NIPSNAP3A: variants seen among roughly 807,000 people sequenced by gnomAD.
NIPSNAP3A encodes the protein nipsnap homolog 3A.
NIPSNAP3A carries 27 observed loss-of-function variants against 32.3 expected under a neutral mutation model. That is an observed-to-expected ratio of 0.84 (90% confidence interval 0.62 to 1.15). The LOEUF is 1.15. NIPSNAP3A is among the 50% of genes most tolerant of loss of function. NIPSNAP3A has a pLI of 0.00. For missense variants in NIPSNAP3A, 278 were observed against 297.2 expected (o/e 0.94, Z 0.48); for synonymous variants, 108 against 107.3 (o/e 1.01, Z -0.04).
rs117754793 is a variant in NIPSNAP3A, at chr9:104,750,149, C to T, written c.61-807C>T. On this transcript the variant is annotated intron_variant, in intron 1 of 5. Transcript: ENST00000374767. ...CATTATGCCTGCCAAAAGTTACGTGCGTAGTTAATAAAGTTCTTTGATGTG... is the reference window on the plus strand; with the variant it reads ...CATTATGCCTGCCAAAAGTTACGTGTGTAGTTAATAAAGTTCTTTGATGTG... Among the ~76,000 whole-genome samples the T allele has an allele frequency of 6.3e-3, 959 of 152,196 alleles. 5 individuals are homozygous for T. Among genetic ancestry groups the T allele is most frequent in the Non-Finnish European group, 0.01 (702 of 67,996 alleles).
chr9:104,757,369 A>G lies in NIPSNAP3A; in HGVS notation c.581-1716A>G, dbSNP rs1282694099. Among the ~76,000 whole-genome samples, 3 of 152,144 alleles carry G rather than the reference A, an allele frequency of 2.0e-5. No homozygotes were observed. The East Asian group carries it at 5.8e-4, about 29-fold the overall frequency. Reference sequence around the variant, plus strand: ...CCTGGGTTTGAATCCCAGGTACACTACTTACTTTTTGACTTTGGGTAAGTA... The same window carrying G: ...CCTGGGTTTGAATCCCAGGTACACTGCTTACTTTTTGACTTTGGGTAAGTA... On this transcript the variant is annotated intron_variant, in intron 4 of 5. Transcript: ENST00000374767.
intron 2 of NIPSNAP3A, 144 bp downstream of exon 2, chr9:104,751,310 C>A: frequency 5.2e-6 from 4 of 769,004 alleles, no homozygotes; most frequent in Admixed American, 2.2e-5. Context: ...TTTTGAAAAG[C>A]AATACCAAAA....
Position 104,751,117 on chromosome 9 carries a change from T to A in NIPSNAP3A, c.222T>A (p.Ser74Arg). ...TAHSELVGYW[S>R]VEFGGRMNTV... ...ACTCTGAATTGGTTGGATACTGGAG[T>A]GTAGAATTTGGAGGCAGAATGAATA... The change falls in exon 2 of 6, where the codon AGT (serine) becomes AGA (arginine). Residue 74 changes from serine (S) to arginine (R), a missense_variant. Transcript: ENST00000374767. 6.2e-7 allele frequency: 1 copy of A among 1,613,922 alleles called. No individual in the cohort carries two copies. Among genetic ancestry groups the A allele is most frequent in the African/African-American group, 1.3e-5 (1 of 74,980 alleles).
chr9:104,754,713 A>T lies in NIPSNAP3A; in HGVS notation c.580+13A>T, dbSNP rs955590054. 6 of 1,607,926 alleles carry T rather than the reference A, an allele frequency of 3.7e-6. No individual in the cohort carries two copies. Among genetic ancestry groups the T allele is most frequent in the Non-Finnish European group, 5.1e-6 (6 of 1,174,670 alleles). On this transcript the variant is annotated intron_variant, in intron 4 of 5. Transcript: ENST00000374767. Reference sequence around the variant, plus strand: ...GCACTCAACAGAGGTACAATTGTCCATTTCTTCTTATATGAAATTGTAATA... The same window carrying T: ...GCACTCAACAGAGGTACAATTGTCCTTTTCTTCTTATATGAAATTGTAATA...
chr9:104,754,178 T>C (rs540987795), intron 3 of NIPSNAP3A: 1 of 158,590 alleles, frequency 6.3e-6, no homozygotes, highest in African/African-American at 2.4e-5. Context: ...GATTGGAAAA[T>C]TCTTCTTTTA....
intron 1 of NIPSNAP3A, 29 bp from the exon 2 acceptor site, chr9:104,750,927 G>A (rs1827840383): frequency 6.5e-7 from 1 of 1,534,418 alleles, no homozygotes; most frequent in South Asian, 1.1e-5. Flanking sequence ...GTCTTCTCAA[G>A]ATATTTACAT....
intron 3 of NIPSNAP3A, chr9:104,753,884 A>C (rs1827875443): frequency 6.6e-6 from 1 of 152,594 alleles, no homozygotes; most frequent in African/African-American, 2.4e-5. Context: ...CTCTGTGTAC[A>C]TCACTGCTTG....
intron 1 of NIPSNAP3A, among the ~76,000 whole-genome samples, chr9:104,749,074 C>G (rs1340152521): frequency 2.0e-5 from 3 of 152,132 alleles, no homozygotes; most frequent in African/African-American, 4.8e-5. Context: ...TTAATACTGC[C>G]CAAAATTGTA....
intron 1 of NIPSNAP3A, 129 bp downstream of exon 1, chr9:104,747,981 T>C (rs543112225): frequency 1.2e-5 from 10 of 816,068 alleles, no homozygotes; most frequent in African/African-American, 3.6e-5. Flanking sequence ...GGGGCCCCGG[T>C]GAGGTTCTAG....
chr9:104,750,427 T>A (rs911859985), intron 1 of NIPSNAP3A, among the ~76,000 whole-genome samples: 1 of 152,192 alleles, frequency 6.6e-6, no homozygotes, highest in East Asian at 1.9e-4. Context: ...AACAAATGTA[T>A]ATGTGAAGCA....
At chr9:104,754,503 G>T (rs1410231467) in intron 3 of NIPSNAP3A, 48 bp from the exon 4 acceptor site, 1 of 1,550,496 alleles carries the variant, frequency 6.4e-7, no homozygotes, top group Non-Finnish European at 8.9e-7. Flanking sequence ...AACGTGATTG[G>T]ATATTGCTTG....
chr9:104,749,949 C>A (rs1415612550), intron 1 of NIPSNAP3A, among the ~76,000 whole-genome samples: 1 of 152,140 alleles, frequency 6.6e-6, no homozygotes, highest in Non-Finnish European at 1.5e-5. Context: ...TCATGTTCTA[C>A]CATTATATTA....
chr9:104,757,685 G>C (rs1351042123), intron 4 of NIPSNAP3A, among the ~76,000 whole-genome samples: 1 of 152,020 alleles, frequency 6.6e-6, no homozygotes, highest in African/African-American at 2.4e-5. Context: ...ATACATGTAC[G>C]TCATATCGTG....
chr9:104,753,746 T>C (rs574685519), intron 3 of NIPSNAP3A: 315 of 152,556 alleles, frequency 2.1e-3, no homozygotes, highest in South Asian at 5.4e-3. Context: ...CTTTGTAGTG[T>C]ATTTAGGTTA....
In NIPSNAP3A at chr9:104,759,265, G is replaced by A. The variant is rs770331368; in HGVS notation, c.671G>A (p.Arg224Gln). 1.9e-5 allele frequency: 31 copies of A among 1,613,922 alleles called. No individual in the cohort carries two copies. Among genetic ancestry groups the A allele is most frequent in the South Asian group, 3.3e-5 (3 of 91,070 alleles). Residue 224 changes from arginine to glutamine, a missense_variant, in exon 6 of 6, where the codon CGG becomes CAG. Arg to Gln is a conservative substitution (Grantham distance 43, BLOSUM62 1). Transcript: ENST00000374767. ...TTTCTATGAAATGTTTTTCCAGTTC[G>A]GGAAAGTGTCAACTACCTAGTATCT... ...HEDPRVVAAV[R>Q]ESVNYLVSQQ...
chr9:104,757,203 G>A (rs966270276), intron 4 of NIPSNAP3A, among the ~76,000 whole-genome samples: 7 of 152,126 alleles, frequency 4.6e-5, no homozygotes, highest in Admixed American at 3.9e-4. Flanking sequence ...AGTGTTAGGA[G>A]AATTGGTAAT....
chr9:104,755,074 T>C (rs867226088), intron 4 of NIPSNAP3A, among the ~76,000 whole-genome samples: 59 of 152,070 alleles, frequency 3.9e-4, no homozygotes, highest in Middle Eastern at 3.2e-3. Context: ...ACCCCGTCTC[T>C]AGTAAAAATA....
rs535071506 is a variant in NIPSNAP3A at position 104,755,805 on chromosome 9, G to T, written c.580+1105G>T. 4.1e-4 allele frequency among the ~76,000 whole-genome samples: 62 copies of T among 152,098 alleles called. No individual in the cohort carries two copies. In the Middle Eastern group the frequency reaches 0.01, roughly 25 times the overall value. On this transcript the variant is annotated intron_variant, in intron 4 of 5. Transcript: ENST00000374767. ...ATGGTGGCAAACACCTGTAGTCCTAGCTACTTGGGAGGCTGAGGTGGGAGG... is the reference window on the plus strand; with the variant it reads ...ATGGTGGCAAACACCTGTAGTCCTATCTACTTGGGAGGCTGAGGTGGGAGG...
rs1827947531 is a variant in NIPSNAP3A, at chr9:104,759,462, T to A, written c.*124T>A. ...AGGTGTTAAGTTAATTTGCTATGTT[T>A]CTTGCATTATGAAGGCTACATCTGT... On this transcript the variant is annotated 3_prime_UTR_variant, in exon 6 of 6. Transcript: ENST00000374767. 5 of 923,020 alleles carry A rather than the reference T, an allele frequency of 5.4e-6. No homozygotes were observed. The highest frequency in any genetic ancestry group is 8.4e-6 in the Non-Finnish European group (5 of 592,366). 57.2% of individuals were successfully genotyped at this position (923,020 alleles called of 1,614,324 possible). A position where few individuals can be genotyped will look rare whatever the true frequency, so the allele number is the denominator to read the frequency against.
Sources: gnomAD v4.1 joint callset for allele counts (sites outside exome capture counted in the v4.1 genomes callset) on GRCh38, gnomAD v4.1.1 for gene constraint, MANE v1.5 for transcripts, NCBI Gene and HGNC (gene_info 2026-07-23, HGNC 2026-07-21) for gene names.